The following ISM1 variants were observed in gnomAD, a reference collection of about 807,000 sequenced individuals.
ISM1 encodes isthmin 1, also known as isthmin-1.
ISM1 carries 25 observed loss-of-function variants against 46.3 expected under a neutral mutation model. That is an observed-to-expected ratio of 0.54 (90% confidence interval 0.39 to 0.75). The LOEUF (loss-of-function observed/expected upper bound fraction) is 0.75, where lower values mean the gene tolerates loss of function less well. Among genes scored for constraint, ISM1 ranks in the 30% least tolerant of loss-of-function variants. The pLI is 0.00. For missense variants in ISM1, 536 were observed against 625.4 expected (o/e 0.86, Z 1.52); for synonymous variants, 255 against 256.7 (o/e 0.99, Z 0.06).
At chr20:13,264,777 G>A (rs578088300) in intron 1 of ISM1, among the ~76,000 whole-genome samples, 1 of 152,314 alleles carries the variant, frequency 6.6e-6, no homozygotes, top group South Asian at 2.1e-4. Flanking sequence ...AAAACGTGTG[G>A]ATTTGTCATC....
chr20:13,312,407 C>A, the ISM1 span, among the ~76,000 whole-genome samples: 2 of 152,190 alleles, frequency 1.3e-5, no homozygotes, highest in African/African-American at 4.8e-5. Flanking sequence ...CTCCTACCAG[C>A]CTTGCTGGTT....
At chr20:13,308,574 T>C in the ISM1 span, among the ~76,000 whole-genome samples, 1 of 152,088 alleles carries the variant, frequency 6.6e-6, no homozygotes, top group African/African-American at 2.4e-5. Context: ...GTTTAAATTG[T>C]CCACCAACAG....
chr20:13,222,299 G>A (rs1030633773), intron 1 of ISM1, among the ~76,000 whole-genome samples: 3 of 152,150 alleles, frequency 2.0e-5, no homozygotes, highest in Non-Finnish European at 4.4e-5. Context: ...CGAGGCTGGA[G>A]GGACGCAAGG....
At chr20:13,270,443 A>C (rs1223165851) in intron 1 of ISM1, 61 bp from the exon 2 acceptor site, 1 of 1,542,232 alleles carries the variant, frequency 6.5e-7, no homozygotes, top group Non-Finnish European at 8.8e-7. Context: ...TGGACTGTTA[A>C]GGGTGACATT....
At chr20:13,249,159 A>T (rs979275031) in intron 1 of ISM1, among the ~76,000 whole-genome samples, 1 of 152,186 alleles carries the variant, frequency 6.6e-6, no homozygotes, top group Non-Finnish European at 1.5e-5. Flanking sequence ...GGACACAAAG[A>T]TCTGGGGGGA....
At chr20:13,286,659 C>G (rs994695248) in intron 3 of ISM1, among the ~76,000 whole-genome samples, 2 of 152,170 alleles carry the variant, frequency 1.3e-5, no homozygotes, top group African/African-American at 2.4e-5. Flanking sequence ...ATCCACCCCC[C>G]ACCACCCCGC....
intron 1 of ISM1, among the ~76,000 whole-genome samples, 175 bp downstream of exon 1, chr20:13,222,089 G>A (rs1465000934): frequency 2.6e-5 from 4 of 152,196 alleles, no homozygotes; most frequent in Non-Finnish European, 5.9e-5. Context: ...CGGAGCGGGG[G>A]CACGTGCCTG....
chr20:13,276,644 G>A (rs144522263), intron 2 of ISM1, among the ~76,000 whole-genome samples: 24 of 151,344 alleles, frequency 1.6e-4, no homozygotes, highest in Admixed American at 3.9e-4. Flanking sequence ...GAGAAAGGAC[G>A]GTAAGATCTA....
intron 1 of ISM1, among the ~76,000 whole-genome samples, chr20:13,224,793 T>C (rs2039495059): frequency 6.6e-6 from 1 of 152,044 alleles, no homozygotes; most frequent in Non-Finnish European, 1.5e-5. Context: ...AAGTGCCTTT[T>C]ATGTGGCAGG....
At chr20:13,309,784 A>T in the ISM1 span, among the ~76,000 whole-genome samples, 1 of 152,170 alleles carries the variant, frequency 6.6e-6, no homozygotes, top group Non-Finnish European at 1.5e-5. Context: ...AAAATCAGCA[A>T]TGTTTCTATA....
intron 1 of ISM1, among the ~76,000 whole-genome samples, chr20:13,265,894 C>T (rs1472230582): frequency 6.6e-6 from 1 of 152,112 alleles, no homozygotes; most frequent in African/African-American, 2.4e-5. Flanking sequence ...CTCCATAATA[C>T]TATCAGGGAC....
chr20:13,247,370 C>T (rs185730404), intron 1 of ISM1, among the ~76,000 whole-genome samples: 30 of 152,262 alleles, frequency 2.0e-4, no homozygotes, highest in Non-Finnish European at 1.0e-4. Flanking sequence ...TCAGCGTGTC[C>T]CTTCCTGACC....
At chr20:13,318,732 T>A in the ISM1 span, among the ~76,000 whole-genome samples, 1 of 152,076 alleles carries the variant, frequency 6.6e-6, no homozygotes. Flanking sequence ...CATGAGAAAA[T>A]ATTTTTTGAA....
At chr20:13,227,339 GAC>G in intron 1 of ISM1, among the ~76,000 whole-genome samples, 1 of 151,540 alleles carries the variant, frequency 6.6e-6, no homozygotes, top group East Asian at 1.9e-4. Context: ...GAGTAGCTGG[GAC>G]TACAGGCACA....
At chr20:13,297,013 A>T (rs2040413316) in intron 5 of ISM1, among the ~76,000 whole-genome samples, 1 of 151,584 alleles carries the variant, frequency 6.6e-6, no homozygotes, top group East Asian at 2.0e-4. Flanking sequence ...GTGAGACTCC[A>T]TCCACTCACT....
At chr20:13,237,323 C>T (rs2039662845) in intron 1 of ISM1, among the ~76,000 whole-genome samples, 1 of 152,180 alleles carries the variant, frequency 6.6e-6, no homozygotes, top group Non-Finnish European at 1.5e-5. Flanking sequence ...AAAATGGCCC[C>T]AACCTTGAAA....
chr20:13,317,632 G>A, the ISM1 span, among the ~76,000 whole-genome samples: 1 of 152,046 alleles, frequency 6.6e-6, no homozygotes, highest in South Asian at 2.1e-4. Context: ...CCAGAGAATA[G>A]ACCTACACCA....
At chr20:13,236,496 C>A (rs2039651542) in intron 1 of ISM1, among the ~76,000 whole-genome samples, 1 of 152,102 alleles carries the variant, frequency 6.6e-6, no homozygotes, top group Non-Finnish European at 1.5e-5. Flanking sequence ...AATTTCATGT[C>A]CTAACATTTC....
At chr20:13,249,581 C>A (rs890805758) in intron 1 of ISM1, among the ~76,000 whole-genome samples, 7 of 152,212 alleles carry the variant, frequency 4.6e-5, no homozygotes, top group Non-Finnish European at 8.8e-5. Context: ...TGGAAGGAAA[C>A]CCCGCCAGGC....
Sources: gnomAD v4.1 joint callset for allele counts (sites outside exome capture counted in the v4.1 genomes callset) on GRCh38, gnomAD v4.1.1 for gene constraint, MANE v1.5 for transcripts, NCBI Gene and HGNC (gene_info 2026-07-23, HGNC 2026-07-21) for gene names.